Variants in PACS1 observed in about 807,000 individuals in gnomAD.
PACS1 encodes phosphofurin acidic cluster sorting protein 1, also known as PACS-1.
PACS1 carries 24 observed loss-of-function variants against 115.0 expected under a neutral mutation model. That is an observed-to-expected ratio of 0.21 (90% confidence interval 0.15 to 0.29). The LOEUF (loss-of-function observed/expected upper bound fraction) is 0.29. Ranked by LOEUF, PACS1 falls within the 10% of genes least tolerant of loss-of-function variation. PACS1 has a pLI of 1.00. For synonymous variants in PACS1, 453 were observed against 504.5 expected, an observed-to-expected ratio of 0.90 and a Z score of 1.37; for missense variants, 838 against 1,251.2, an observed-to-expected ratio of 0.67 and a Z score of 4.98.
At chr11:66,174,613 A>G (rs1328403445) in intron 1 of PACS1, among the ~76,000 whole-genome samples, 1 of 152,248 alleles carries the variant, frequency 6.6e-6, no homozygotes, top group African/African-American at 2.4e-5. Flanking sequence ...GTCAGTTTCA[A>G]AACATGTTAA....
At chr11:66,138,362 G>C (rs189763667) in intron 1 of PACS1, among the ~76,000 whole-genome samples, 1 of 152,224 alleles carries the variant, frequency 6.6e-6, no homozygotes, top group Admixed American at 6.5e-5. Context: ...TACAGGGTGA[G>C]CTATGGTGCC....
intron 1 of PACS1, among the ~76,000 whole-genome samples, chr11:66,110,083 A>C (rs1858151827): frequency 6.6e-6 from 1 of 152,172 alleles, no homozygotes; most frequent in African/African-American, 2.4e-5. Context: ...CATTTACTTT[A>C]AACGGATCTG....
intron 1 of PACS1, among the ~76,000 whole-genome samples, chr11:66,123,682 C>T (rs1476142218): frequency 6.6e-5 from 10 of 151,770 alleles, no homozygotes; most frequent in East Asian, 1.9e-4. Flanking sequence ...CCACCGCGCC[C>T]GGCTAATTTT....
At chr11:66,173,192 C>T (rs1422745937) in intron 1 of PACS1, among the ~76,000 whole-genome samples, 16 of 151,638 alleles carry the variant, frequency 1.1e-4, no homozygotes, top group Admixed American at 1.1e-3. Context: ...TTCACCCTCC[C>T]AAGGTGCTGA....
chr11:66,074,016 C>T (rs1565096945), intron 1 of PACS1, among the ~76,000 whole-genome samples: 4 of 149,806 alleles, frequency 2.7e-5, no homozygotes, highest in Admixed American at 2.0e-4. Flanking sequence ...CTACCTCGGA[C>T]TCCCAAAGTG....
intron 1 of PACS1, among the ~76,000 whole-genome samples, chr11:66,139,721 A>G (rs1351452850): frequency 6.6e-6 from 1 of 152,170 alleles, no homozygotes; most frequent in African/African-American, 2.4e-5. Flanking sequence ...TCCATTGTAT[A>G]TATATGTACT....
In PACS1 at chr11:66,154,312, A is replaced by G. The variant is rs139801416; in HGVS notation, c.357-39174A>G. Reference sequence around the variant, plus strand: ...AAATTAGCTTATTGTAGTGGTGCACACCTGTAGTCCTAGCTGCTCTAGAGG... The same window carrying G: ...AAATTAGCTTATTGTAGTGGTGCACGCCTGTAGTCCTAGCTGCTCTAGAGG... On this transcript the variant is annotated intron_variant, in intron 1 of 23. Coordinates refer to ENST00000320580, the MANE Select transcript of PACS1 (RefSeq NM_018026.4). 1.8e-4 allele frequency among the ~76,000 whole-genome samples: 27 copies of G among 152,198 alleles called. No homozygotes were observed. The East Asian group carries it at 5.2e-3, about 29-fold the overall frequency.
chr11:66,190,955 A>T (rs1037826853), intron 1 of PACS1, among the ~76,000 whole-genome samples: 3 of 152,148 alleles, frequency 2.0e-5, no homozygotes, highest in African/African-American at 4.8e-5. Flanking sequence ...CCCTGGGATG[A>T]GGGGTGGTTC....
intron 22 of PACS1, 48 bp downstream of exon 22, chr11:66,241,701 G>A (rs762769741): frequency 4.1e-5 from 59 of 1,449,688 alleles, no homozygotes; most frequent in African/African-American, 8.4e-5. Flanking sequence ...CAGGCCTCCC[G>A]TCTCGTCTCT....
intron 1 of PACS1, among the ~76,000 whole-genome samples, chr11:66,119,668 T>TC (rs1398499011): frequency 6.6e-6 from 1 of 152,212 alleles, no homozygotes; most frequent in East Asian, 1.9e-4. Context: ...TTTGCCTCAT[T>TC]CTTGTTTTGT....
chr11:66,213,087 A>G (rs1050426867), intron 4 of PACS1, among the ~76,000 whole-genome samples: 16 of 152,112 alleles, frequency 1.1e-4, no homozygotes, highest in African/African-American at 3.1e-4. Context: ...TCCTGGCCTC[A>G]AGTGATCCGC....
At chr11:66,101,330 G>A (rs528264080) in intron 1 of PACS1, among the ~76,000 whole-genome samples, 12 of 152,174 alleles carry the variant, frequency 7.9e-5, no homozygotes, top group Admixed American at 2.6e-4. Context: ...GTTCATTCTT[G>A]TGTGATACAG....
chr11:66,238,971 C>G, intron 20 of PACS1, 125 bp downstream of exon 20: 1 of 1,353,194 alleles, frequency 7.4e-7, no homozygotes, highest in Non-Finnish European at 1.0e-6. Context: ...AGCAGGAAGC[C>G]TATGGGCGCC....
At chr11:66,133,039 C>G (rs1858738283) in intron 1 of PACS1, among the ~76,000 whole-genome samples, 1 of 152,112 alleles carries the variant, frequency 6.6e-6, no homozygotes, top group Admixed American at 6.5e-5. Context: ...AATGGTGCTG[C>G]CTTCCACCCT....
intron 2 of PACS1, among the ~76,000 whole-genome samples, chr11:66,206,584 T>C (rs1854945547): frequency 6.6e-6 from 1 of 152,244 alleles, no homozygotes; most frequent in African/African-American, 2.4e-5. Flanking sequence ...TACAGGTATT[T>C]AGAGCACATA....
At chr11:66,121,016 C>T (rs1175135167) in intron 1 of PACS1, 4 of 456,180 alleles carry the variant, frequency 8.8e-6, no homozygotes, top group Non-Finnish European at 1.8e-5. Flanking sequence ...TCTTGTGCTT[C>T]ACAGATGCTG....
chr11:66,074,593 T>C (rs9737415), intron 1 of PACS1, among the ~76,000 whole-genome samples: 148,091 of 152,322 alleles, frequency 0.97, 72,134 homozygotes, highest in Middle Eastern at 1. Flanking sequence ...TGCTGTATCA[T>C]TCGCAAACCA....
rs189466021 is a variant in PACS1 at position 66,089,802 on chromosome 11, C to G, written c.356+18960C>G. On this transcript the variant is annotated intron_variant, in intron 1 of 23. Transcript: ENST00000320580. ...TGGGCAGATCACAAGGTCAGGAGAT[C>G]GAGACCATCCTGGCTAACACAGTGA... Among the ~76,000 whole-genome samples the G allele has an allele frequency of 7.2e-4, 109 of 151,934 alleles. No individual in the cohort carries two copies. The South Asian group carries it at 0.019, about 27-fold the overall frequency.
intron 1 of PACS1, among the ~76,000 whole-genome samples, chr11:66,111,611 C>T (rs535957330): frequency 1.3e-5 from 2 of 152,274 alleles, no homozygotes; most frequent in Admixed American, 6.5e-5. Flanking sequence ...CTGCCTAAGC[C>T]AGAAACCTAG....
Sources: gnomAD v4.1 joint callset for allele counts (sites outside exome capture counted in the v4.1 genomes callset) on GRCh38, gnomAD v4.1.1 for gene constraint, MANE v1.5 for transcripts, NCBI Gene and HGNC (gene_info 2026-07-23, HGNC 2026-07-21) for gene names.